Variants in NDUFAF6 observed in about 807,000 individuals in gnomAD.
The protein encoded by NDUFAF6 is NADH dehydrogenase (ubiquinone) complex I, assembly factor 6.
In NDUFAF6, 45 loss-of-function variants were observed where a neutral mutation model predicts 40.8. The observed-to-expected ratio is 1.10, with a 90% CI of 0.87 to 1.42. The LOEUF (loss-of-function observed/expected upper bound fraction) is 1.42. NDUFAF6 is among the 40% of genes most tolerant of loss of function. The probability of loss-of-function intolerance (pLI) is 0.00; values close to 1 mark genes in which losing one functional copy is unlikely to be tolerated. For synonymous variants in NDUFAF6, 185 were observed against 155.9 expected, an observed-to-expected ratio of 1.19 and a Z score of -1.39; for missense variants, 435 against 418.5, an observed-to-expected ratio of 1.04 and a Z score of -0.34.
chr8:95,080,035 G>T (rs188488909), downstream of NDUFAF6, among the ~76,000 whole-genome samples: 1 of 75,746 alleles, frequency 1.3e-5, no homozygotes, highest in Non-Finnish European at 2.6e-5. Context: ...TTTTTGTAGC[G>T]TATTTTTTGT....
At chr8:95,071,164 G>A (rs957398943) in intron 9 of NDUFAF6, among the ~76,000 whole-genome samples, 2 of 152,042 alleles carry the variant, frequency 1.3e-5, no homozygotes, top group Non-Finnish European at 2.9e-5. Flanking sequence ...GCTGAGGTGG[G>A]CGGATCACGA....
chr8:94,961,567 G>A lies in NDUFAF6; in HGVS notation c.-199+3388G>A, dbSNP rs186574893. Among the ~76,000 whole-genome samples the A allele has an allele frequency of 8.3e-4, 126 of 152,102 alleles. 1 individual carries two copies. Among genetic ancestry groups the A allele is most frequent in the South Asian group, 2.7e-3 (13 of 4,816 alleles). On this transcript the variant is annotated intron_variant, in intron 1 of 9. Transcript: ENST00000396111. The stretch of plus-strand genomic sequence containing the variant: ...CTCCCAGGTAGCTAGGACTACAGGC[G>A]CGTACCACTACACCTGGCTAATTTT...
intron 1 of NDUFAF6, among the ~76,000 whole-genome samples, chr8:94,965,333 G>T (rs1823926657): frequency 6.6e-6 from 1 of 152,196 alleles, no homozygotes. Flanking sequence ...AGAATGGTGA[G>T]TCCCCGGGGA....
At chr8:95,079,093 TCCC>T (rs1808734924), downstream of NDUFAF6, among the ~76,000 whole-genome samples, 4 of 152,090 alleles carry the variant, frequency 2.6e-5, no homozygotes, top group African/African-American at 9.7e-5. Flanking sequence ...TGTCTCAGTC[TCCC>T]GAGCATCTGG....
chr8:95,009,200 T>TAAA (rs530155825), intron 2 of NDUFAF6, among the ~76,000 whole-genome samples: 13 of 133,924 alleles, frequency 9.7e-5, no homozygotes, highest in Non-Finnish European at 2.1e-4. Flanking sequence ...ACCCTATCTC[T>TAAA]AAAAAAAAAA....
intron 2 of NDUFAF6, among the ~76,000 whole-genome samples, chr8:95,082,939 G>A (rs1308026007): frequency 3.3e-5 from 5 of 150,744 alleles, no homozygotes; most frequent in African/African-American, 9.7e-5. Flanking sequence ...GATTACAGAC[G>A]TGAGTTGTTT....
At position 95,025,013 on chromosome 8, in the gene NDUFAF6, C is replaced by A; in HGVS notation, c.5C>A (p.Ala2Glu). ...AGGGCACGCAGTGCCGGCGTCATGGCGGCCTCCGCGCACGGCTCTGTCTGG... is the reference window on the plus strand; with the variant it reads ...AGGGCACGCAGTGCCGGCGTCATGGAGGCCTCCGCGCACGGCTCTGTCTGG... Reference protein sequence around the residue: MAASAHGSVWGP... With the variant: MEASAHGSVWGP... Residue 2 changes from alanine (A) to glutamate (E), a missense_variant, in exon 1 of 9, where the codon GCG (alanine) becomes GAG (glutamate). By Grantham distance (107) the Ala-to-Glu change is moderately radical. Coordinates refer to ENST00000396124, the MANE Select transcript of NDUFAF6 (RefSeq NM_152416.4). 2 of 1,343,520 alleles carry A rather than the reference C, an allele frequency of 1.5e-6. No homozygotes were observed. Among genetic ancestry groups the A allele is most frequent in the Non-Finnish European group, 1.9e-6 (2 of 1,055,794 alleles). 83.2% of individuals were successfully genotyped at this position (1,343,520 alleles called of 1,614,324 possible). A position where few individuals can be genotyped will look rare whatever the true frequency, so the allele number is the denominator to read the frequency against.
At chr8:94,912,343 T>C (rs953955705) in intron 1 of NDUFAF6, among the ~76,000 whole-genome samples, 7 of 152,204 alleles carry the variant, frequency 4.6e-5, no homozygotes, top group African/African-American at 1.7e-4. Flanking sequence ...AATTCAGAGC[T>C]TTTCAGATTT....
intron 1 of NDUFAF6, chr8:94,926,810 A>C (rs1819937619): frequency 6.6e-6 from 1 of 152,212 alleles, no homozygotes; most frequent in South Asian, 2.1e-4. Flanking sequence ...TCAAATTTCA[A>C]GTGAAACTGA....
At chr8:94,896,433 G>A (rs1817585433) in intron 1 of NDUFAF6, 1 of 152,164 alleles carries the variant, frequency 6.6e-6, no homozygotes, top group Non-Finnish European at 1.5e-5. Flanking sequence ...CTCTATGAAT[G>A]CCCCCACAAC....
chr8:94,985,897 G>T (rs1209735674), intron 2 of NDUFAF6, among the ~76,000 whole-genome samples: 1 of 125,192 alleles, frequency 8.0e-6, no homozygotes, highest in African/African-American at 3.1e-5. Context: ...TTTTTGAGAC[G>T]CAGTCTCACT....
At chr8:95,031,151 C>A in intron 1 of NDUFAF6, among the ~76,000 whole-genome samples, 1 of 152,262 alleles carries the variant, frequency 6.6e-6, no homozygotes, top group East Asian at 1.9e-4. Flanking sequence ...TATCAGAGCC[C>A]TAGTTTCTTT....
At chr8:95,070,386 C>T (rs1832812665) in intron 9 of NDUFAF6, among the ~76,000 whole-genome samples, 1 of 152,146 alleles carries the variant, frequency 6.6e-6, no homozygotes, top group African/African-American at 2.4e-5. Context: ...TATTTATATA[C>T]ATACTGTGTC....
At chr8:94,985,470 TATATATATATATATA>T (rs1825742727) in intron 2 of NDUFAF6, among the ~76,000 whole-genome samples, 2 of 910 alleles carry the variant, frequency 2.2e-3, no homozygotes, top group Non-Finnish European at 2.1e-3. Flanking sequence ...ACAATAATTA[TATATATATATATATA>T]TATATATATA....
upstream of NDUFAF6, chr8:95,100,317 A>G (rs1037420127): frequency 1.3e-5 from 2 of 152,186 alleles, no homozygotes; most frequent in African/African-American, 4.8e-5. Context: ...CAAAGTGAAC[A>G]ATTTAACTTG....
intron 6 of NDUFAF6, 103 bp downstream of exon 6, chr8:95,047,230 A>C (rs1554677165): frequency 6.7e-7 from 1 of 1,493,772 alleles, no homozygotes; most frequent in Non-Finnish European, 9.2e-7. Flanking sequence ...TTGCTTTGAA[A>C]GGAATGCTTA....
intron 1 of NDUFAF6, among the ~76,000 whole-genome samples, chr8:94,962,108 C>T (rs1823626081): frequency 6.6e-6 from 1 of 152,236 alleles, no homozygotes; most frequent in African/African-American, 2.4e-5. Flanking sequence ...TCTTCTAGGA[C>T]AACTGTGCTT....
intron 1 of NDUFAF6, among the ~76,000 whole-genome samples, chr8:94,960,390 A>G (rs1823469945): frequency 6.6e-6 from 1 of 151,958 alleles, no homozygotes; most frequent in African/African-American, 2.4e-5. Flanking sequence ...GCAAATGTAG[A>G]TATGACTGGG....
chr8:95,049,085 A>G (rs1282649395), intron 7 of NDUFAF6, among the ~76,000 whole-genome samples: 1 of 152,034 alleles, frequency 6.6e-6, no homozygotes, highest in Non-Finnish European at 1.5e-5. Flanking sequence ...GGCCCTTTCC[A>G]CCTTGGCACT....
Sources: allele counts gnomAD v4.1 joint callset (sites outside exome capture counted in the v4.1 genomes callset), GRCh38; gene constraint gnomAD v4.1.1; transcripts MANE v1.5; gene names NCBI Gene and HGNC (gene_info 2026-07-23, HGNC 2026-07-21).